TAF3: variants seen among roughly 807,000 people sequenced by gnomAD.
TAF3 encodes transcription initiation factor TFIID subunit 3.
TAF3 carries 7 observed loss-of-function variants against 80.6 expected under a neutral mutation model. That is an observed-to-expected ratio of 0.09 (90% CI 0.05 to 0.16). The LOEUF is 0.16. Among genes scored for constraint, TAF3 ranks in the 10% least tolerant of loss-of-function variants. TAF3 has a pLI of 1.00. For missense variants in TAF3, 921 were observed against 1,140.2 expected, an observed-to-expected ratio of 0.81 and a Z score of 2.77; for synonymous variants, 444 against 446.1, an observed-to-expected ratio of 1.00 and a Z score of 0.06.
At chr10:7,863,626 A>AAAAAAAAAT (rs1218836662) in intron 2 of TAF3, among the ~76,000 whole-genome samples, 1 of 48,098 alleles carries the variant, frequency 2.1e-5, no homozygotes, top group African/African-American at 7.8e-5. Context: ...AAAAAAAAAA[A>AAAAAAAAAT]ATATATATAT....
rs71287402 is a variant in TAF3 at position 7,831,939 on chromosome 10, G to GGGGGTGCAAA, written c.409+7381_409+7390dup. 8.0e-3 allele frequency among the ~76,000 whole-genome samples: 840 copies of GGGGGTGCAAA among 105,256 alleles called. 8 individuals carry two copies. Among genetic ancestry groups the GGGGGTGCAAA allele is most frequent in the South Asian group, 0.039 (112 of 2,836 alleles). 69.1% of individuals were successfully genotyped at this position (105,256 alleles called of 152,430 possible). On this transcript the variant is annotated intron_variant, in intron 2 of 6. Transcript: ENST00000344293. ...TTCAGGTTACATTTGTATATATCTGGGGGGTGCAAAGCGATGTTATGTTTT... is the reference window on the plus strand; with the variant it reads ...TTCAGGTTACATTTGTATATATCTGGGGGGTGCAAAGGGGTGCAAAGCGATGTTATGTTTT...
intron 2 of TAF3, among the ~76,000 whole-genome samples, chr10:7,883,993 G>A (rs1045814919): frequency 2.6e-5 from 4 of 152,018 alleles, no homozygotes; most frequent in Non-Finnish European, 4.4e-5. Flanking sequence ...CAGGACCCTC[G>A]TCTTCTTAGA....
At chr10:7,863,646 T>TATAC (rs1196114441) in intron 2 of TAF3, among the ~76,000 whole-genome samples, 771 of 76,662 alleles carry the variant, frequency 0.01, 54 homozygotes, top group Non-Finnish European at 0.011. Flanking sequence ...TATATATATA[T>TATAC]ACACACACAC....
intron 2 of TAF3, among the ~76,000 whole-genome samples, chr10:7,914,881 C>T (rs966111456): frequency 1.3e-5 from 2 of 150,468 alleles, no homozygotes; most frequent in African/African-American, 4.9e-5. Context: ...ACACATCTGA[C>T]CACATGTGCC....
At chr10:7,979,629 A>G (rs1221223082) in intron 4 of TAF3, among the ~76,000 whole-genome samples, 1 of 152,238 alleles carries the variant, frequency 6.6e-6, no homozygotes, top group Non-Finnish European at 1.5e-5. Flanking sequence ...CTGCCATGTT[A>G]TATGAAGGAT....
intron 2 of TAF3, among the ~76,000 whole-genome samples, chr10:7,840,083 A>G (rs1339508421): frequency 1.3e-5 from 2 of 152,140 alleles, no homozygotes; most frequent in African/African-American, 4.8e-5. Context: ...TAAGGGATTG[A>G]AAAATTTTTT....
intron 2 of TAF3, among the ~76,000 whole-genome samples, chr10:7,936,919 C>T (rs911803863): frequency 1.3e-5 from 2 of 151,982 alleles, no homozygotes; most frequent in African/African-American, 4.8e-5. Context: ...TCCCAGAATG[C>T]CATAATTGGA....
At chr10:7,861,794 T>TG (rs2131136150) in intron 2 of TAF3, among the ~76,000 whole-genome samples, 1 of 147,678 alleles carries the variant, frequency 6.8e-6, no homozygotes, top group South Asian at 2.2e-4. Flanking sequence ...CTTTCTTTTT[T>TG]TTTCTCAATG....
chr10:7,985,117 C>G (rs929642183), intron 4 of TAF3, among the ~76,000 whole-genome samples: 45 of 152,250 alleles, frequency 3.0e-4, no homozygotes, highest in African/African-American at 1.0e-3. Flanking sequence ...ATCCACGTCA[C>G]TGCAGGACTG....
intron 2 of TAF3, among the ~76,000 whole-genome samples, chr10:7,948,915 G>T (rs930949969): frequency 7.9e-5 from 12 of 152,194 alleles, no homozygotes; most frequent in African/African-American, 2.9e-4. Flanking sequence ...GATTATACAT[G>T]CATAGTTGGG....
At chr10:7,957,444 C>A (rs1377818153) in intron 2 of TAF3, among the ~76,000 whole-genome samples, 2 of 151,962 alleles carry the variant, frequency 1.3e-5, no homozygotes, top group Non-Finnish European at 2.9e-5. Context: ...GGTTAACTTT[C>A]CAAGGCATAT....
chr10:7,933,471 C>T (rs1837888373), intron 2 of TAF3, among the ~76,000 whole-genome samples: 1 of 152,152 alleles, frequency 6.6e-6, no homozygotes, highest in African/African-American at 2.4e-5. Context: ...TATTGGACAG[C>T]AGATGTGTGA....
At chr10:7,848,168 A>G (rs1375162979) in intron 2 of TAF3, among the ~76,000 whole-genome samples, 1 of 152,268 alleles carries the variant, frequency 6.6e-6, no homozygotes, top group Non-Finnish European at 1.5e-5. Flanking sequence ...TTGGAGCCAG[A>G]TGTTAACTGG....
intron 2 of TAF3, among the ~76,000 whole-genome samples, chr10:7,835,667 C>T (rs1369630483): frequency 6.6e-6 from 1 of 152,192 alleles, no homozygotes; most frequent in African/African-American, 2.4e-5. Context: ...GTGGTCCCAT[C>T]CTTCCCAGCC....
At chr10:8,007,565 T>TAC (rs1832007384) in intron 4 of TAF3, among the ~76,000 whole-genome samples, 2 of 2,606 alleles carry the variant, frequency 7.7e-4, no homozygotes, top group Admixed American at 5.2e-3. Context: ...TGTGAAATTA[T>TAC]ATATATATAT....
At chr10:7,829,378 C>T in intron 2 of TAF3, among the ~76,000 whole-genome samples, 1 of 152,108 alleles carries the variant, frequency 6.6e-6, no homozygotes, top group East Asian at 1.9e-4. Context: ...ACTGGATGTC[C>T]TTTTTCTGTT....
Position 7,842,151 on chromosome 10 carries a change from G to GTTTTTT in TAF3, c.409+17598_409+17603dup, listed in dbSNP as rs71505465. 4.6e-4 allele frequency among the ~76,000 whole-genome samples: 45 copies of GTTTTTT among 98,788 alleles called. 2 individuals carry two copies. Among genetic ancestry groups the GTTTTTT allele is most frequent in the Non-Finnish European group, 5.8e-4 (27 of 46,628 alleles). 64.8% of individuals were successfully genotyped at this position (98,788 alleles called of 152,430 possible). A position where few individuals can be genotyped will look rare whatever the true frequency, so the allele number is the denominator to read the frequency against. The stretch of plus-strand genomic sequence containing the variant: ...CATTGTAGGATATTGAATTAATATT[G>GTTTTTT]TTTTTTTTTTTTGTTTTTTTTTTTG... On this transcript the variant is annotated intron_variant, in intron 2 of 6. Coordinates refer to ENST00000344293, the MANE Select transcript of TAF3 (RefSeq NM_031923.4).
chr10:7,855,203 C>T (rs1381860341), intron 2 of TAF3, among the ~76,000 whole-genome samples: 1 of 152,164 alleles, frequency 6.6e-6, no homozygotes, highest in East Asian at 1.9e-4. Context: ...TTTGTGGCTT[C>T]AGGTACTTCT....
chr10:7,850,411 C>T (rs752299414), intron 2 of TAF3, among the ~76,000 whole-genome samples: 8 of 152,190 alleles, frequency 5.3e-5, no homozygotes, highest in Non-Finnish European at 1.2e-4. Flanking sequence ...AGCAGTGGCT[C>T]ATGCCTTTAA....
Sources: allele counts gnomAD v4.1 joint callset (sites outside exome capture counted in the v4.1 genomes callset), GRCh38; gene constraint gnomAD v4.1.1; transcripts MANE v1.5; gene names NCBI Gene and HGNC (gene_info 2026-07-23, HGNC 2026-07-21).